Variants in MYO1B observed in about 807,000 individuals in gnomAD.
MYO1B encodes the protein myosin IB, also known as unconventional myosin-Ib.
Under a neutral mutation model 159.7 loss-of-function variants are expected in MYO1B, and 72 were observed. That is an observed-to-expected ratio of 0.45 (90% confidence interval 0.37 to 0.55). MYO1B has a LOEUF of 0.55. Among genes scored for constraint, MYO1B ranks in the 20% least tolerant of loss-of-function variants. The pLI is 0.00. For missense variants in MYO1B, 1,062 were observed against 1,364.8 expected (o/e 0.78, Z 3.50); for synonymous variants, 468 against 473.8 (o/e 0.99, Z 0.16).
At chr2:191,396,762 G>C (rs533447154) in intron 21 of MYO1B, among the ~76,000 whole-genome samples, 2 of 152,286 alleles carry the variant, frequency 1.3e-5, no homozygotes, top group Admixed American at 6.5e-5. Context: ...CATGATTTCA[G>C]TATCCCTTTG....
chr2:191,306,049 CAG>C (rs1689632692), intron 3 of MYO1B, among the ~76,000 whole-genome samples: 2 of 151,898 alleles, frequency 1.3e-5, no homozygotes, highest in Admixed American at 6.6e-5. Context: ...CATTCTAGCA[CAG>C]AGAGAGACAA....
intron 2 of MYO1B, among the ~76,000 whole-genome samples, chr2:191,289,359 C>T (rs144233979): frequency 6.6e-6 from 1 of 152,196 alleles, no homozygotes; most frequent in African/African-American, 2.4e-5. Context: ...CTTGATTTCA[C>T]TTCTGCTAGC....
chr2:191,250,155 T>G (rs561107775), intron 1 of MYO1B, among the ~76,000 whole-genome samples: 1 of 152,232 alleles, frequency 6.6e-6, no homozygotes, highest in Non-Finnish European at 1.5e-5. Context: ...TGGATGTTGG[T>G]GAAATGAAGA....
At chr2:191,378,547 A>G (rs1038566709) in intron 13 of MYO1B, among the ~76,000 whole-genome samples, 1 of 152,174 alleles carries the variant, frequency 6.6e-6, no homozygotes, top group East Asian at 1.9e-4. Flanking sequence ...GTGGAATGTC[A>G]TCAGTTAAGG....
intron 15 of MYO1B, among the ~76,000 whole-genome samples, chr2:191,384,867 GA>G (rs988351414): frequency 1.3e-5 from 2 of 152,178 alleles, no homozygotes; most frequent in African/African-American, 4.8e-5. Context: ...GTATATAAAG[GA>G]AATGTTTCCT....
chr2:191,257,076 C>A (rs1686497318), intron 1 of MYO1B, among the ~76,000 whole-genome samples: 1 of 152,038 alleles, frequency 6.6e-6, no homozygotes, highest in Admixed American at 6.6e-5. Flanking sequence ...TCCTTTTAAT[C>A]CATCTTCTTT....
rs1302301307 is a variant in MYO1B, at chr2:191,294,092, T to A, written c.136-2019T>A. ...CAGACACTGTTCTAGGTGATAGAGA[T>A]GCAGCTGGGGGAAAACAAACACACA... is the stretch of plus-strand genomic sequence containing the variant. On this transcript the variant is annotated intron_variant, in intron 2 of 30. Coordinates refer to ENST00000392318, the MANE Select transcript of MYO1B (RefSeq NM_001130158.3). Among the ~76,000 whole-genome samples, 5 of 152,182 alleles carry A rather than the reference T, an allele frequency of 3.3e-5. No individual in the cohort carries two copies. The East Asian group carries it at 9.6e-4, about 29-fold the overall frequency.
At chr2:191,345,508 G>C (rs2125968980) in intron 5 of MYO1B, among the ~76,000 whole-genome samples, 1 of 152,236 alleles carries the variant, frequency 6.6e-6, no homozygotes, top group East Asian at 1.9e-4. Context: ...TCAACCATGG[G>C]GTTCTTAAAC....
rs1695380305 is a variant in MYO1B, at chr2:191,386,075, T to C, written c.1545T>C (p.Tyr515=). ...LPHSCFRIQH[Y]AGKVLYQVEG... Reference sequence around the variant, plus strand: ...ACAGCTGCTTCAGGATCCAGCATTATGCTGGAAAGGTATGGGGGAGCTGTG... The same window carrying C: ...ACAGCTGCTTCAGGATCCAGCATTACGCTGGAAAGGTATGGGGGAGCTGTG... The change falls in exon 16 of 31, where the codon TAT becomes TAC. Residue 515 remains tyrosine, a synonymous_variant. Coordinates refer to ENST00000392318, the MANE Select transcript of MYO1B (RefSeq NM_001130158.3). 1.2e-6 allele frequency: 2 copies of C among 1,614,092 alleles called. No homozygotes were observed. The highest frequency in any genetic ancestry group is 4.5e-5 in the East Asian group (2 of 44,892).
chr2:191,342,466 A>G (rs1003293132), intron 5 of MYO1B, among the ~76,000 whole-genome samples: 2 of 152,236 alleles, frequency 1.3e-5, no homozygotes, highest in Admixed American at 6.5e-5. Context: ...CCTTAATGCC[A>G]TGGAGAATGG....
chr2:191,405,181 A>G (rs1336877731), intron 24 of MYO1B, among the ~76,000 whole-genome samples: 3 of 152,210 alleles, frequency 2.0e-5, no homozygotes, highest in African/African-American at 7.2e-5. Context: ...TCAGGAAACT[A>G]CTTTATTTGG....
chr2:191,375,213 G>A (rs555628933), intron 13 of MYO1B, among the ~76,000 whole-genome samples: 34 of 152,236 alleles, frequency 2.2e-4, no homozygotes, highest in South Asian at 1.5e-3. Context: ...ATGATAGGCT[G>A]GATGCAATGA....
At chr2:191,344,110 T>A (rs1402285371) in intron 5 of MYO1B, among the ~76,000 whole-genome samples, 2 of 152,162 alleles carry the variant, frequency 1.3e-5, no homozygotes, top group East Asian at 3.9e-4. Context: ...CAATAAACTG[T>A]CCTTTATGCA....
chr2:191,405,978 ATCT>A (rs1696894310), intron 24 of MYO1B, among the ~76,000 whole-genome samples: 1 of 152,262 alleles, frequency 6.6e-6, no homozygotes, highest in Non-Finnish European at 1.5e-5. Flanking sequence ...TCTAGATGGC[ATCT>A]TCTTCCAATA....
At chr2:191,290,360 G>T (rs1299335515) in intron 2 of MYO1B, among the ~76,000 whole-genome samples, 1 of 152,204 alleles carries the variant, frequency 6.6e-6, no homozygotes, top group Non-Finnish European at 1.5e-5. Context: ...AAGGAGAAGA[G>T]TCATTGCTTC....
chr2:191,383,446 TTTTATATATATATA>T (rs1559219779), intron 15 of MYO1B, 104 bp downstream of exon 15: 1 of 38,012 alleles, frequency 2.6e-5, no homozygotes, highest in African/African-American at 8.8e-5. Context: ...TTTCACTGTT[TTTTATATATATATA>T]TATATATATA....
intron 3 of MYO1B, among the ~76,000 whole-genome samples, chr2:191,311,869 G>A (rs55691753): frequency 0.039 from 5,880 of 152,290 alleles, 186 homozygotes; most frequent in South Asian, 0.067. Context: ...GAGGAAGTGT[G>A]GAAACATGTG....
chr2:191,343,316 T>A (rs976248367), intron 5 of MYO1B, among the ~76,000 whole-genome samples: 10 of 152,228 alleles, frequency 6.6e-5, no homozygotes, highest in African/African-American at 2.4e-4. Flanking sequence ...GTTAAAACCC[T>A]GCCCTGTTGT....
chr2:191,300,518 A>AT (rs1484067935), intron 3 of MYO1B, among the ~76,000 whole-genome samples: 2 of 150,388 alleles, frequency 1.3e-5, no homozygotes, highest in Non-Finnish European at 3.0e-5. Context: ...TAATTTTTGT[A>AT]TTTTTAGTAG....
Sources: gnomAD v4.1 joint callset for allele counts (sites outside exome capture counted in the v4.1 genomes callset) on GRCh38, gnomAD v4.1.1 for gene constraint, MANE v1.5 for transcripts, NCBI Gene and HGNC (gene_info 2026-07-23, HGNC 2026-07-21) for gene names.